Variants in ANKMY1 observed in about 807,000 individuals in gnomAD.
ANKMY1 encodes ankyrin repeat and MYND domain containing 1.
Under a neutral mutation model 102.0 loss-of-function variants are expected in ANKMY1, and 98 were observed. That is an observed-to-expected ratio of 0.96 (90% confidence interval 0.82 to 1.14). The LOEUF is 1.14. Ranked by LOEUF, ANKMY1 falls within the 50% of genes most tolerant of loss-of-function variation. The probability of loss-of-function intolerance (pLI) is 0.00; values close to 1 mark genes in which losing one functional copy is unlikely to be tolerated. For missense variants in ANKMY1, 1,330 were observed against 1,347.6 expected (o/e 0.99, Z 0.20); for synonymous variants, 582 against 559.9 (o/e 1.04, Z -0.56).
intron 4 of ANKMY1, among the ~76,000 whole-genome samples, chr2:240,531,504 A>G (rs1247471970): frequency 1.3e-5 from 2 of 152,250 alleles, no homozygotes; most frequent in African/African-American, 2.4e-5. Flanking sequence ...TTGGTGAACC[A>G]ATAAAAATTT....
chr2:240,544,493 G>C (rs72998094), intron 4 of ANKMY1, among the ~76,000 whole-genome samples: 15 of 152,074 alleles, frequency 9.9e-5, no homozygotes, highest in African/African-American at 3.1e-4. Context: ...CTTACTCTTG[G>C]GGGGGGAGGA....
At position 240,520,270 on chromosome 2, in the gene ANKMY1, C is replaced by G. The variant is rs2081940358; in HGVS notation, c.2004+92G>C. On this transcript the variant is annotated intron_variant, in intron 9 of 17. Coordinates refer to ENST00000401804, the MANE Select transcript of ANKMY1 (RefSeq NM_001282771.3). The surrounding 1 kb of genome is among the most constrained non-coding windows in gnomAD (Gnocchi z 4.8). Reference sequence around the variant, plus strand: ...TGGTCGCCTGCAAGAGCCCACCCCTCTCTTCCGCGCCTAGGTGGAGCGAGG... The same window carrying G: ...TGGTCGCCTGCAAGAGCCCACCCCTGTCTTCCGCGCCTAGGTGGAGCGAGG... 1 of 1,490,136 alleles carries G rather than the reference C, an allele frequency of 6.7e-7. No homozygotes were observed. Among genetic ancestry groups the G allele is most frequent in the Non-Finnish European group, 9.0e-7 (1 of 1,109,566 alleles). The allele number at this position is 1,490,136 out of a possible 1,614,324, so 92.3% of individuals were successfully genotyped here. A position where few individuals can be genotyped will look rare whatever the true frequency, so the allele number is the denominator to read the frequency against.
chr2:240,560,505 C>T, upstream of ANKMY1: 1 of 970,090 alleles, frequency 1.0e-6, no homozygotes, highest in Non-Finnish European at 1.4e-6. Context: ...AGACCCAAGC[C>T]CCCTGTCCCG....
chr2:240,558,697 G>C (rs1318230149), upstream of ANKMY1: 1 of 152,126 alleles, frequency 6.6e-6, no homozygotes, highest in Non-Finnish European at 1.5e-5. Flanking sequence ...AACAGGGCAG[G>C]GGGTGTGAAG....
chr2:240,552,700 C>A (rs1246733113), intron 4 of ANKMY1: 2 of 661,912 alleles, frequency 3.0e-6, no homozygotes, highest in East Asian at 3.0e-5. Flanking sequence ...GGACATGTAA[C>A]AATTTGCTGG....
At chr2:240,537,644 C>G (rs1360219701) in intron 4 of ANKMY1, among the ~76,000 whole-genome samples, 1 of 152,224 alleles carries the variant, frequency 6.6e-6, no homozygotes, top group East Asian at 1.9e-4. Context: ...CCAAGCGACA[C>G]GGAGGCCCGT....
chr2:240,554,854 G>C lies in ANKMY1; in HGVS notation c.336+12C>G, dbSNP rs1350571334. On this transcript the variant is annotated intron_variant, in intron 3 of 17. Coordinates refer to ENST00000401804, the MANE Select transcript of ANKMY1 (RefSeq NM_001282771.3). ...CTAGGGGAGGAGGCGGAGAAAGTGTGGAAGCAGTTACCTCGCCTGTGGGCC... is the reference window on the plus strand; with the variant it reads ...CTAGGGGAGGAGGCGGAGAAAGTGTCGAAGCAGTTACCTCGCCTGTGGGCC... 3.7e-6 allele frequency: 6 copies of C among 1,613,798 alleles called. No homozygotes were observed. Among genetic ancestry groups the C allele is most frequent in the Non-Finnish European group, 5.1e-6 (6 of 1,179,830 alleles).
chr2:240,525,514 AG>A (rs1241205426), intron 7 of ANKMY1, among the ~76,000 whole-genome samples, 170 bp downstream of exon 7: 4 of 152,198 alleles, frequency 2.6e-5, no homozygotes, highest in African/African-American at 9.6e-5. Flanking sequence ...GCATCTGCTC[AG>A]GGTCCCTTAG....
In ANKMY1 at chr2:240,528,945, T is replaced by C. The variant is rs1234589164; in HGVS notation, c.953+92A>G. 6.8e-6 allele frequency: 8 copies of C among 1,169,844 alleles called. No homozygotes were observed. In the South Asian group the frequency reaches 6.9e-5, roughly 10 times the overall value. 72.5% of individuals were successfully genotyped at this position (1,169,844 alleles called of 1,614,324 possible). On this transcript the variant is annotated intron_variant, in intron 5 of 17. Transcript: ENST00000401804. ...TTTAGGTCACCCTGAGGGAGCACTG[T>C]CAGTGGCAGCTGGCCGGGGACCTCA...
upstream of ANKMY1, among the ~76,000 whole-genome samples, chr2:240,558,789 G>T: frequency 6.6e-6 from 1 of 152,080 alleles, no homozygotes; most frequent in East Asian, 1.9e-4. Context: ...GGGTTCTAGG[G>T]GCTCTGCCTC....
rs186459298 is a variant in ANKMY1 at position 240,546,168 on chromosome 2, G to A, written c.480+6746C>T. On this transcript the variant is annotated intron_variant, in intron 4 of 17. Coordinates refer to ENST00000401804, the MANE Select transcript of ANKMY1 (RefSeq NM_001282771.3). ...CAGACTAACAGTGGATCTCTCGGCA[G>A]AAACCCTACAAGCCAGAAGAGAGTG... is the stretch of plus-strand genomic sequence containing the variant. Among the ~76,000 whole-genome samples, 81 of 152,310 alleles carry A rather than the reference G, an allele frequency of 5.3e-4. 1 individual carries two copies. The highest frequency in any genetic ancestry group is 1.8e-3 in the African/African-American group (74 of 41,574).
intron 15 of ANKMY1, among the ~76,000 whole-genome samples, chr2:240,494,017 G>T (rs1385556056): frequency 5.9e-5 from 9 of 152,174 alleles, no homozygotes; most frequent in Admixed American, 5.9e-4. Context: ...CTCCAGGCCT[G>T]CAAGTGGTGC....
chr2:240,547,314 C>T (rs1279195316), intron 4 of ANKMY1, among the ~76,000 whole-genome samples: 3 of 152,072 alleles, frequency 2.0e-5, no homozygotes, highest in Non-Finnish European at 4.4e-5. Flanking sequence ...TTGAAACCAA[C>T]GAGAACAAAG....
chr2:240,500,158 G>T (rs369895157), intron 14 of ANKMY1, 35 bp from the exon 15 acceptor site: 19 of 1,537,514 alleles, frequency 1.2e-5, no homozygotes, highest in Non-Finnish European at 1.7e-5. Flanking sequence ...ACAGGGTCCC[G>T]GGCCCGCCCC....
chr2:240,560,984 AG>A, upstream of ANKMY1: 2 of 1,542,314 alleles, frequency 1.3e-6, no homozygotes, highest in Middle Eastern at 2.3e-4. Context: ...GCGCCTGCCT[AG>A]TCTACTGCAA....
chr2:240,556,199 TGG>T (rs1487240633), intron 2 of ANKMY1, among the ~76,000 whole-genome samples: 18 of 151,338 alleles, frequency 1.2e-4, no homozygotes, highest in Non-Finnish European at 1.6e-4. Context: ...AAAGGGCTTG[TGG>T]GAAAAGGGCT....
chr2:240,525,486 A>G (rs900229069), intron 7 of ANKMY1, among the ~76,000 whole-genome samples, 199 bp downstream of exon 7: 1 of 152,148 alleles, frequency 6.6e-6, no homozygotes, highest in Non-Finnish European at 1.5e-5. Context: ...GAGATGAGTA[A>G]AGAACACACA....
At chr2:240,515,781 G>A (rs753026891) in intron 9 of ANKMY1, among the ~76,000 whole-genome samples, 38 of 151,866 alleles carry the variant, frequency 2.5e-4, no homozygotes, top group Non-Finnish European at 3.8e-4. Flanking sequence ...GCAGTGGCGC[G>A]ATCTCGACTC....
At chr2:240,525,230 G>A (rs571993121) in intron 7 of ANKMY1, among the ~76,000 whole-genome samples, 3 of 152,230 alleles carry the variant, frequency 2.0e-5, no homozygotes, top group East Asian at 1.9e-4. Context: ...TGCAGCACCC[G>A]ATTAAAGCCT....
Sources: allele counts gnomAD v4.1 joint callset (sites outside exome capture counted in the v4.1 genomes callset), GRCh38; gene constraint gnomAD v4.1.1; non-coding constraint Gnocchi (gnomAD v3.1); transcripts MANE v1.5; gene names NCBI Gene and HGNC (gene_info 2026-07-23, HGNC 2026-07-21).